COL22A1: variants seen among roughly 807,000 people sequenced by gnomAD.
COL22A1 encodes collagen type XXII alpha 1 chain, also known as collagen alpha-1(XXII) chain.
COL22A1 carries 221 observed loss-of-function variants against 248.9 expected under a neutral mutation model. The observed-to-expected ratio is 0.89, with a 90% CI of 0.80 to 0.99. The LOEUF (loss-of-function observed/expected upper bound fraction) is 0.99. Ranked by LOEUF, COL22A1 falls within the 50% of genes least tolerant of loss-of-function variation. The pLI, the probability that COL22A1 is intolerant of heterozygous loss-of-function variation, is 0.00. For missense variants in COL22A1, 2,240 were observed against 2,179.0 expected, an observed-to-expected ratio of 1.03 and a Z score of -0.56; for synonymous variants, 891 against 793.4, an observed-to-expected ratio of 1.12 and a Z score of -2.07.
chr8:138,704,869 G>A (rs1828283716), intron 30 of COL22A1, among the ~76,000 whole-genome samples: 1 of 152,166 alleles, frequency 6.6e-6, no homozygotes, highest in Non-Finnish European at 1.5e-5. Flanking sequence ...TTGCAAAGAA[G>A]CTAAAAACCT....
intron 27 of COL22A1, among the ~76,000 whole-genome samples, chr8:138,719,044 CA>C (rs1393714173): frequency 4.6e-5 from 7 of 152,134 alleles, no homozygotes; most frequent in African/African-American, 1.7e-4. Flanking sequence ...TGCCAATTCA[CA>C]AATTTGAGGA....
chr8:138,872,010 T>C (rs1446961801), intron 3 of COL22A1, among the ~76,000 whole-genome samples: 1 of 152,210 alleles, frequency 6.6e-6, no homozygotes, highest in Non-Finnish European at 1.5e-5. Context: ...AAGGAGGAAC[T>C]GACCCCACAT....
chr8:138,796,683 A>C, intron 12 of COL22A1, 136 bp downstream of exon 12: 1 of 707,112 alleles, frequency 1.4e-6, no homozygotes. Flanking sequence ...CATTGAGGCC[A>C]GTTACACAGC....
intron 37 of COL22A1, among the ~76,000 whole-genome samples, chr8:138,687,347 C>T (rs918730429): frequency 2.6e-5 from 4 of 152,162 alleles, no homozygotes; most frequent in Admixed American, 2.6e-4. Flanking sequence ...GCACTAAGTT[C>T]TTTTTTTCTG....
chr8:138,803,554 C>T (rs977567906), intron 10 of COL22A1, among the ~76,000 whole-genome samples: 11 of 152,120 alleles, frequency 7.2e-5, no homozygotes, highest in African/African-American at 2.4e-4. Context: ...TAAAACAAAA[C>T]TTCCAAGTGT....
chr8:138,589,709 G>T (rs1200354696), intron 64 of COL22A1, among the ~76,000 whole-genome samples: 2 of 152,148 alleles, frequency 1.3e-5, no homozygotes, highest in African/African-American at 2.4e-5. Context: ...AGAAACAAGG[G>T]TAGATTGAGA....
At chr8:138,821,468 AGAATGG>A (rs766610333) in intron 6 of COL22A1, 57 bp from the exon 7 acceptor site, 57 of 1,550,400 alleles carry the variant, frequency 3.7e-5, no homozygotes, top group Non-Finnish European at 4.7e-5. Flanking sequence ...GGAAAAGGAG[AGAATGG>A]GAAACGGGAG....
chr8:138,892,885 C>A (rs943047875), intron 1 of COL22A1, among the ~76,000 whole-genome samples: 4 of 152,192 alleles, frequency 2.6e-5, no homozygotes, highest in African/African-American at 9.7e-5. Context: ...GGGAATGAGG[C>A]ACTGCTGATG....
chr8:138,613,536 G>C (rs1819074366), intron 56 of COL22A1, among the ~76,000 whole-genome samples: 1 of 152,180 alleles, frequency 6.6e-6, no homozygotes, highest in Admixed American at 6.5e-5. Flanking sequence ...GGTTACAGCA[G>C]CCTCGGGAAA....
intron 15 of COL22A1, 81 bp downstream of exon 15, chr8:138,778,272 G>T: frequency 6.7e-7 from 1 of 1,486,582 alleles, no homozygotes; most frequent in Non-Finnish European, 9.4e-7. Flanking sequence ...TCTAGATGCA[G>T]GTGGAGGAAC....
At chr8:138,784,781 C>T (rs1388086105) in intron 12 of COL22A1, among the ~76,000 whole-genome samples, 2 of 152,144 alleles carry the variant, frequency 1.3e-5, no homozygotes, top group Non-Finnish European at 2.9e-5. Flanking sequence ...ATCATCATCT[C>T]CATTTCAGTG....
intron 47 of COL22A1, among the ~76,000 whole-genome samples, chr8:138,640,605 TGTTA>T (rs1297002648): frequency 6.6e-6 from 1 of 152,126 alleles, no homozygotes; most frequent in African/African-American, 2.4e-5. Flanking sequence ...TGTTCCATGG[TGTTA>T]GTTTTCTTTC....
intron 3 of COL22A1, among the ~76,000 whole-genome samples, chr8:138,855,187 C>T (rs62528786): frequency 0.19 from 29,634 of 152,206 alleles, 3,142 homozygotes; most frequent in Middle Eastern, 0.29. Flanking sequence ...GAAGCTGATG[C>T]CCACATGGTG....
At chr8:138,882,657 C>T (rs1327055773) in intron 2 of COL22A1, among the ~76,000 whole-genome samples, 2 of 151,152 alleles carry the variant, frequency 1.3e-5, no homozygotes, top group African/African-American at 4.9e-5. Flanking sequence ...CTCCCTCACA[C>T]ACTCCCTCAA....
chr8:138,888,235 C>T lies in COL22A1; in HGVS notation c.-72-4991G>A, dbSNP rs75614620. Among the ~76,000 whole-genome samples, 410 of 152,276 alleles carry T rather than the reference C, an allele frequency of 2.7e-3. 2 individuals are homozygous for T. Among genetic ancestry groups the T allele is most frequent in the African/African-American group, 9.0e-3 (373 of 41,552 alleles). On this transcript the variant is annotated intron_variant, in intron 1 of 64. Transcript: ENST00000303045. ...GACCCTGTGACACAGGTAAGACACA[C>T]ACCAGGGGGAGGGAGGATCAAGTGA... is the stretch of plus-strand genomic sequence containing the variant.
At chr8:138,591,397 C>A (rs371441656) in intron 64 of COL22A1, 27 bp downstream of exon 64, 3 of 1,546,258 alleles carry the variant, frequency 1.9e-6, no homozygotes, top group African/African-American at 1.4e-5. Flanking sequence ...TCACACCCTA[C>A]CCCTGAGACT....
chr8:138,884,192 G>A (rs1026910970), intron 1 of COL22A1, among the ~76,000 whole-genome samples: 1 of 152,184 alleles, frequency 6.6e-6, no homozygotes, highest in African/African-American at 2.4e-5. Context: ...ACTTCCCTAT[G>A]GGTTGAGGGG....
At chr8:138,650,110 GA>G (rs1822569636) in intron 45 of COL22A1, among the ~76,000 whole-genome samples, 1 of 152,162 alleles carries the variant, frequency 6.6e-6, no homozygotes, top group Non-Finnish European at 1.5e-5. Context: ...GTGAGCAGCT[GA>G]AAACATTAAC....
intron 30 of COL22A1, among the ~76,000 whole-genome samples, chr8:138,707,432 T>G (rs756134997): frequency 1.3e-5 from 2 of 152,160 alleles, no homozygotes; most frequent in Non-Finnish European, 2.9e-5. Context: ...AAAAAGCTTA[T>G]CCATCATGAT....
Sources: gnomAD v4.1 joint callset for allele counts (sites outside exome capture counted in the v4.1 genomes callset) on GRCh38, gnomAD v4.1.1 for gene constraint, MANE v1.5 for transcripts, NCBI Gene and HGNC (gene_info 2026-07-23, HGNC 2026-07-21) for gene names.